Variants in CCDC12 observed in about 807,000 individuals in gnomAD.
The protein encoded by CCDC12 is coiled-coil domain-containing protein 12.
Under a neutral mutation model 25.7 loss-of-function variants are expected in CCDC12, and 28 were observed. The observed-to-expected ratio is 1.09, with a 90% confidence interval of 0.81 to 1.50. CCDC12 has a LOEUF of 1.50. CCDC12 is among the 40% of genes most tolerant of loss of function. The pLI, the probability that CCDC12 is intolerant of heterozygous loss-of-function variation, is 0.00. For synonymous variants in CCDC12, 75 were observed against 87.7 expected (o/e 0.86, Z 0.81); for missense variants, 198 against 210.0 (o/e 0.94, Z 0.35).
chr3:46,945,413 C>T (rs1457219339), intron 1 of CCDC12, among the ~76,000 whole-genome samples: 4 of 152,252 alleles, frequency 2.6e-5, no homozygotes, highest in Admixed American at 2.0e-4. Context: ...CATCTCCACA[C>T]CTAGACCTTG....
chr3:46,941,163 G>T, intron 1 of CCDC12, 98 bp from the exon 2 acceptor site: 1 of 1,173,574 alleles, frequency 8.5e-7, no homozygotes, highest in Non-Finnish European at 1.3e-6. Flanking sequence ...TCAGAAGGGG[G>T]GCACCTGGCA....
At chr3:46,960,270 T>C (rs1189167546) in intron 1 of CCDC12, among the ~76,000 whole-genome samples, 1 of 152,136 alleles carries the variant, frequency 6.6e-6, no homozygotes, top group Non-Finnish European at 1.5e-5. Flanking sequence ...AACAGCCAGA[T>C]GTGGAAACTG....
intron 1 of CCDC12, among the ~76,000 whole-genome samples, chr3:46,966,786 A>C (rs1298569306): frequency 6.6e-6 from 1 of 152,110 alleles, no homozygotes; most frequent in Non-Finnish European, 1.5e-5. Flanking sequence ...GCTGCACCTC[A>C]ACCCAGCTGG....
intron 1 of CCDC12, among the ~76,000 whole-genome samples, chr3:46,960,929 G>C: frequency 6.6e-6 from 1 of 152,102 alleles, no homozygotes; most frequent in East Asian, 1.9e-4. Context: ...TTGGTGTAAA[G>C]GGGTTGGGGT....
intron 1 of CCDC12, among the ~76,000 whole-genome samples, chr3:46,961,545 T>C (rs2034466096): frequency 6.6e-6 from 1 of 152,220 alleles, no homozygotes; most frequent in Non-Finnish European, 1.5e-5. Flanking sequence ...CATGTTGTCT[T>C]TTCTCTAGTG....
intron 1 of CCDC12, among the ~76,000 whole-genome samples, chr3:46,951,787 A>AG (rs2034124579): frequency 3.0e-5 from 1 of 33,052 alleles, no homozygotes; most frequent in Non-Finnish European, 7.4e-5. Flanking sequence ...CTCAAAAAAA[A>AG]AAAAAAAAAA....
intron 1 of CCDC12, among the ~76,000 whole-genome samples, chr3:46,959,687 G>C (rs1209441376): frequency 6.6e-6 from 1 of 152,114 alleles, no homozygotes; most frequent in Non-Finnish European, 1.5e-5. Context: ...GTCAGAAAAC[G>C]CTAGCCAGTG....
intron 1 of CCDC12, among the ~76,000 whole-genome samples, chr3:46,962,886 T>A (rs1162029115): frequency 1.3e-5 from 2 of 152,178 alleles, no homozygotes; most frequent in Non-Finnish European, 2.9e-5. Context: ...TGGGTACATA[T>A]GTTCACCAAG....
chr3:46,976,357 G>A, intron 1 of CCDC12: 3 of 1,358,596 alleles, frequency 2.2e-6, no homozygotes, highest in South Asian at 3.3e-5. Flanking sequence ...ACCTACACGA[G>A]CAACACCCGG....
At chr3:46,975,593 G>C (rs1215091768) in intron 1 of CCDC12, among the ~76,000 whole-genome samples, 2 of 141,534 alleles carry the variant, frequency 1.4e-5, no homozygotes, top group African/African-American at 2.6e-5. Context: ...TGCAGTGGCA[G>C]GATCTCGGCT....
chr3:46,945,995 G>A (rs182659632), intron 1 of CCDC12, among the ~76,000 whole-genome samples: 153 of 152,308 alleles, frequency 1.0e-3, no homozygotes, highest in African/African-American at 3.3e-3. Context: ...ATCCCTCAAT[G>A]GATGAGTACA....
chr3:46,969,952 G>C (rs960102713), intron 1 of CCDC12, among the ~76,000 whole-genome samples: 1 of 151,160 alleles, frequency 6.6e-6, no homozygotes, highest in African/African-American at 2.4e-5. Flanking sequence ...GCCCGGGCTG[G>C]GGTGCAGTGA....
intron 4 of CCDC12, 92 bp from the exon 5 acceptor site, chr3:46,923,455 G>A: frequency 9.2e-6 from 14 of 1,523,942 alleles, no homozygotes; most frequent in Non-Finnish European, 1.3e-5. Context: ...GGGAGAAAGA[G>A]GAGGAGGAAG....
intron 1 of CCDC12, among the ~76,000 whole-genome samples, chr3:46,954,336 A>G (rs1181399202): frequency 6.6e-6 from 1 of 152,206 alleles, no homozygotes; most frequent in Non-Finnish European, 1.5e-5. Context: ...CCCAACCACT[A>G]TGTGTTCACT....
chr3:46,927,957 G>C (rs192956706), intron 2 of CCDC12, among the ~76,000 whole-genome samples: 14 of 152,294 alleles, frequency 9.2e-5, no homozygotes, highest in African/African-American at 1.2e-4. Context: ...AGCATGGGGG[G>C]GTTCAGCTTG....
In CCDC12 at chr3:46,934,414, T is replaced by C. The variant is rs186675878; in HGVS notation, c.164+6584A>G. 3.9e-5 allele frequency among the ~76,000 whole-genome samples: 6 copies of C among 152,240 alleles called. No homozygotes were observed. In the East Asian group the frequency reaches 5.8e-4, roughly 15 times the overall value. ...TGCCAGCTCCACTCCCTTTCAAAAG[T>C]TGGAGGATTTTAGCCAAGGAAATTT... On this transcript the variant is annotated intron_variant, in intron 2 of 6. Coordinates refer to ENST00000683445, the MANE Select transcript of CCDC12 (RefSeq NM_001277074.2).
chr3:46,957,280 C>T (rs959821248), intron 1 of CCDC12, among the ~76,000 whole-genome samples: 1 of 152,182 alleles, frequency 6.6e-6, no homozygotes, highest in African/African-American at 2.4e-5. Flanking sequence ...CACAGGGCAA[C>T]AGGGCTAACT....
chr3:46,974,124 A>C (rs755864501), intron 1 of CCDC12, among the ~76,000 whole-genome samples: 2 of 152,226 alleles, frequency 1.3e-5, no homozygotes, highest in Non-Finnish European at 2.9e-5. Context: ...ATTTGATTAC[A>C]TGAGGTACCT....
At chr3:46,980,725 G>T (rs573705501), upstream of CCDC12, among the ~76,000 whole-genome samples, 25 of 152,236 alleles carry the variant, frequency 1.6e-4, no homozygotes, top group African/African-American at 5.8e-4. Flanking sequence ...TGTCCCATCA[G>T]CTGAGAACCT....
Sources: allele counts gnomAD v4.1 joint callset (sites outside exome capture counted in the v4.1 genomes callset), GRCh38; gene constraint gnomAD v4.1.1; transcripts MANE v1.5; gene names NCBI Gene and HGNC (gene_info 2026-07-23, HGNC 2026-07-21).